The following CCDC102B variants were observed in gnomAD, a reference collection of about 807,000 sequenced individuals.
The protein encoded by CCDC102B is coiled-coil domain containing 102B.
CCDC102B carries 75 observed loss-of-function variants against 57.4 expected under a neutral mutation model. The ratio of observed to expected loss-of-function variants is 1.31; its 90% CI spans 1.08 to 1.58. The LOEUF is 1.58. Among genes scored for constraint, CCDC102B ranks in the 40% most tolerant of loss-of-function variants. The probability of loss-of-function intolerance (pLI) is 0.00; values close to 1 mark genes in which losing one functional copy is unlikely to be tolerated. For missense variants in CCDC102B, 636 were observed against 582.6 expected, an observed-to-expected ratio of 1.09 and a Z score of -0.94; for synonymous variants, 206 against 201.9, an observed-to-expected ratio of 1.02 and a Z score of -0.17.
intron 7 of CCDC102B, among the ~76,000 whole-genome samples, chr18:69,012,110 A>G (rs1041905200): frequency 2.0e-5 from 3 of 152,080 alleles, no homozygotes; most frequent in Admixed American, 6.6e-5. Context: ...ATGAAGATAT[A>G]TATGTACTTT....
At chr18:68,814,037 G>A (rs547665887) in intron 1 of CCDC102B, among the ~76,000 whole-genome samples, 6 of 152,084 alleles carry the variant, frequency 3.9e-5, no homozygotes, top group South Asian at 2.1e-4. Context: ...AAAGGATAGT[G>A]GTGCCTTTTA....
chr18:68,806,990 T>C (rs1452289575), intron 1 of CCDC102B, among the ~76,000 whole-genome samples: 1 of 152,130 alleles, frequency 6.6e-6, no homozygotes, highest in Non-Finnish European at 1.5e-5. Flanking sequence ...TTCAAAAATA[T>C]CTTCATAGCA....
At chr18:68,889,625 A>G (rs1371569312) in intron 5 of CCDC102B, among the ~76,000 whole-genome samples, 1 of 151,936 alleles carries the variant, frequency 6.6e-6, no homozygotes, top group East Asian at 1.9e-4. Flanking sequence ...TTTTCAGTAG[A>G]GATCAGTTTC....
chr18:68,870,606 G>GT (rs1410621320), intron 4 of CCDC102B, among the ~76,000 whole-genome samples: 3 of 152,190 alleles, frequency 2.0e-5, no homozygotes, highest in Non-Finnish European at 1.5e-5. Flanking sequence ...AGATGTCTCT[G>GT]TGGAGACATG....
chr18:68,729,681 C>G (rs2145200048), intron 2 of CCDC102B, among the ~76,000 whole-genome samples: 1 of 152,186 alleles, frequency 6.6e-6, no homozygotes, highest in South Asian at 2.1e-4. Context: ...GACAAATGAG[C>G]AAGCAAAACA....
chr18:68,741,711 ACAC>A, intron 2 of CCDC102B, among the ~76,000 whole-genome samples: 1 of 79,346 alleles, frequency 1.3e-5, no homozygotes, highest in African/African-American at 4.9e-5. Context: ...ACACACACAC[ACAC>A]CCCAAGACAA....
chr18:68,797,589 C>T (rs1232922462), upstream of CCDC102B, among the ~76,000 whole-genome samples: 1 of 152,044 alleles, frequency 6.6e-6, no homozygotes, highest in African/African-American at 2.4e-5. Flanking sequence ...AGGGTTTTGA[C>T]ATGCAGTTAT....
At chr18:68,873,520 ATTATCTTTGTGAAT>A (rs1390816794) in intron 4 of CCDC102B, among the ~76,000 whole-genome samples, 5 of 152,068 alleles carry the variant, frequency 3.3e-5, no homozygotes, top group Non-Finnish European at 7.4e-5. Context: ...TCCTCCAGTT[ATTATCTTTGTGAAT>A]TTAGAAAAGT....
intron 7 of CCDC102B, among the ~76,000 whole-genome samples, chr18:69,044,598 G>T (rs572734027): frequency 6.6e-6 from 1 of 152,250 alleles, no homozygotes; most frequent in South Asian, 2.1e-4. Context: ...TATTTATAGA[G>T]AGCTTCCTTA....
At chr18:69,026,338 G>A (rs1382291225) in intron 7 of CCDC102B, among the ~76,000 whole-genome samples, 2 of 151,718 alleles carry the variant, frequency 1.3e-5, no homozygotes, top group Non-Finnish European at 2.9e-5. Context: ...ATGGTGGTGC[G>A]GACCTGTAAT....
At chr18:68,967,410 T>A (rs2050191825) in intron 6 of CCDC102B, among the ~76,000 whole-genome samples, 1 of 152,098 alleles carries the variant, frequency 6.6e-6, no homozygotes, top group Admixed American at 6.6e-5. Flanking sequence ...TTTCAAGACA[T>A]GAAGTCTTTA....
intron 4 of CCDC102B, among the ~76,000 whole-genome samples, chr18:68,846,998 C>T (rs896134686): frequency 1.1e-4 from 17 of 151,546 alleles, no homozygotes; most frequent in Admixed American, 3.9e-4. Context: ...TTTCCCATTT[C>T]GATGATTTAT....
chr18:68,843,990 C>A (rs1254792962), intron 3 of CCDC102B, among the ~76,000 whole-genome samples: 1 of 151,818 alleles, frequency 6.6e-6, no homozygotes, highest in Non-Finnish European at 1.5e-5. Context: ...TTTAAGTATC[C>A]CATTGTCATT....
At chr18:68,867,770 T>TA (rs1297191178) in intron 4 of CCDC102B, among the ~76,000 whole-genome samples, 1 of 88,896 alleles carries the variant, frequency 1.1e-5, no homozygotes, top group Non-Finnish European at 2.2e-5. Context: ...CCGTCTCTAC[T>TA]AAAAATACAA....
At chr18:68,726,790 A>G (rs1405310901) in intron 2 of CCDC102B, among the ~76,000 whole-genome samples, 2 of 152,162 alleles carry the variant, frequency 1.3e-5, no homozygotes, top group African/African-American at 4.8e-5. Flanking sequence ...TTCTATGATT[A>G]TCTCTGAAAC....
chr18:68,801,772 A>G (rs996957317), intron 1 of CCDC102B, among the ~76,000 whole-genome samples: 1 of 152,204 alleles, frequency 6.6e-6, no homozygotes, highest in Non-Finnish European at 1.5e-5. Flanking sequence ...ACCTGTAGCA[A>G]CTTTAGACTC....
rs770528629 is a variant in CCDC102B, at chr18:69,054,174, C to T, written c.*37C>T. ...AATATGCTGAATTAAAGATTAGGGCCTTAAAGACATTTCCATATCCTTTTC... is the reference window on the plus strand; with the variant it reads ...AATATGCTGAATTAAAGATTAGGGCTTTAAAGACATTTCCATATCCTTTTC... On this transcript the variant is annotated 3_prime_UTR_variant, in exon 8 of 8. Transcript: ENST00000360242. 3.2e-6 allele frequency: 5 copies of T among 1,548,336 alleles called. No homozygotes were observed. In the African/African-American group the frequency reaches 7.0e-5, roughly 22 times the overall value.
At chr18:68,963,657 C>T (rs868199357) in intron 6 of CCDC102B, among the ~76,000 whole-genome samples, 3 of 151,716 alleles carry the variant, frequency 2.0e-5, no homozygotes, top group African/African-American at 7.3e-5. Flanking sequence ...AAATATTATC[C>T]TTATAATCAA....
chr18:68,918,525 G>A (rs2041157969), intron 6 of CCDC102B, among the ~76,000 whole-genome samples: 1 of 152,136 alleles, frequency 6.6e-6, no homozygotes, highest in Non-Finnish European at 1.5e-5. Context: ...AGTCTTTTTA[G>A]AGAGATACCT....
Sources: gnomAD v4.1 joint callset for allele counts (sites outside exome capture counted in the v4.1 genomes callset) on GRCh38, gnomAD v4.1.1 for gene constraint, MANE v1.5 for transcripts, NCBI Gene and HGNC (gene_info 2026-07-23, HGNC 2026-07-21) for gene names.